DIDO1: variants seen among roughly 807,000 people sequenced by gnomAD.
DIDO1 encodes the protein death inducer-obliterator 1.
A neutral mutation model predicts 99.4 loss-of-function variants in DIDO1; 16 were observed. The observed-to-expected ratio is 0.16, with a 90% CI of 0.11 to 0.24. The LOEUF (loss-of-function observed/expected upper bound fraction) is 0.24, where lower values mean the gene tolerates loss of function less well. DIDO1 is among the 10% of genes least tolerant of loss of function. DIDO1 has a pLI of 1.00. For missense variants in DIDO1, 2,996 were observed against 3,014.0 expected (o/e 0.99, Z 0.14); for synonymous variants, 1,366 against 1,239.1 (o/e 1.10, Z -2.15).
chr20:62,905,758 G>A (rs1006696137), intron 6 of DIDO1, 129 bp downstream of exon 6: 3 of 1,608,208 alleles, frequency 1.9e-6, no homozygotes, highest in East Asian at 4.5e-5. Context: ...GCTTCCCGCT[G>A]ATGGTGCAGC....
rs1429299305 is a variant in DIDO1 at position 62,891,244 on chromosome 20, T to G, written c.3346-89A>C. 3 of 1,568,344 alleles carry G rather than the reference T, an allele frequency of 1.9e-6. No homozygotes were observed. The African/African-American group carries it at 4.1e-5, about 21-fold the overall frequency. ...CACATCCTGCTTTCAACAGGAAACC[T>G]TGTCAGATCTCTCCGACTCACAGCC... On this transcript the variant is annotated intron_variant, in intron 14 of 15. Coordinates refer to ENST00000395343, the MANE Select transcript of DIDO1 (RefSeq NM_001193369.2).
chr20:62,914,169 A>G (rs1308390249), intron 2 of DIDO1, 41 bp downstream of exon 2: 1 of 152,212 alleles, frequency 6.6e-6, no homozygotes, highest in African/African-American at 2.4e-5. Context: ...CAGACTTATT[A>G]AGTTAAAATT....
rs7261204 is a variant in DIDO1 at position 62,891,756 on chromosome 20, T to C, written c.3345+231A>G. ...ACACCTTCACACAGTCATACAACTA[T>C]GTAAACTTTTTTTTTTTTTGAGACA... On this transcript the variant is annotated intron_variant, in intron 14 of 15. Transcript: ENST00000395343. 1.6e-3 allele frequency among the ~76,000 whole-genome samples: 204 copies of C among 129,998 alleles called. 1 individual carries two copies. The highest frequency in any genetic ancestry group is 7.7e-3 in the Middle Eastern group (2 of 260). 85.3% of individuals were successfully genotyped at this position (129,998 alleles called of 152,430 possible). A position where few individuals can be genotyped will look rare whatever the true frequency, so the allele number is the denominator to read the frequency against.
rs141398076 is a variant in DIDO1, at chr20:62,882,078, G to A, written c.3878C>T (p.Ala1293Val). 4.9e-4 allele frequency: 787 copies of A among 1,601,014 alleles called. 1 individual carries two copies. Among genetic ancestry groups the A allele is most frequent in the Non-Finnish European group, 6.0e-4 (701 of 1,171,684 alleles). Residue 1293 changes from alanine to valine, a missense_variant, in exon 16 of 16, where the codon GCA (alanine) becomes GTA (valine). Physicochemically the swap from Ala to Val is moderately conservative, Grantham distance 64. Around this residue, in one of 5 missense-constraint regions of DIDO1, gnomAD observed 1,562 missense variants for 1,412.6 expected, o/e 1.11. Transcript: ENST00000395343. ...GGAAGCTGCCGTGGAGGCTGCCGCTGCTGTTGTGGCTGCTGTGGCTGGGCT... is the reference window on the plus strand; with the variant it reads ...GGAAGCTGCCGTGGAGGCTGCCGCTACTGTTGTGGCTGCTGTGGCTGGGCT... Reference protein sequence around the residue: ...APSPATAATTAAAASTAASST... With the variant: ...APSPATAATTVAAASTAASST...
chr20:62,905,799 G>GC, intron 6 of DIDO1, 88 bp downstream of exon 6: 1 of 1,613,206 alleles, frequency 6.2e-7, no homozygotes, highest in Non-Finnish European at 8.5e-7. Flanking sequence ...ACACAAAGCT[G>GC]CAACTCCCAG....
rs536475714 is a variant in DIDO1 at position 62,916,735 on chromosome 20, TCA to T, written c.-199-2331_-199-2330del. 4.2e-3 allele frequency among the ~76,000 whole-genome samples: 638 copies of T among 152,298 alleles called. 4 individuals carry two copies. The highest frequency in any genetic ancestry group is 0.015 in the African/African-American group (608 of 41,556). Reference sequence around the variant, plus strand: ...TAAAACATGTCATCAAAATCTTGCCTCACACAGATAGGTCTTTAGAATGGAGT... The same window carrying T: ...TAAAACATGTCATCAAAATCTTGCCTCACAGATAGGTCTTTAGAATGGAGT... On this transcript the variant is annotated intron_variant, in intron 1 of 15. Transcript: ENST00000395343.
chr20:62,901,544 TA>T (rs11479356), intron 6 of DIDO1, among the ~76,000 whole-genome samples: 34,992 of 151,984 alleles, frequency 0.23, 4,305 homozygotes, highest in East Asian at 0.34. Context: ...AGGGGCATGT[TA>T]AAATTAGTCC....
At chr20:62,920,650 G>GC (rs2065120146) in intron 1 of DIDO1, among the ~76,000 whole-genome samples, 1 of 152,184 alleles carries the variant, frequency 6.6e-6, no homozygotes, top group Non-Finnish European at 1.5e-5. Flanking sequence ...CTTTTGGGAG[G>GC]CCCCCGGATC....
chr20:62,936,310 T>C (rs2065382946), intron 1 of DIDO1, among the ~76,000 whole-genome samples: 1 of 151,884 alleles, frequency 6.6e-6, no homozygotes, highest in Non-Finnish European at 1.5e-5. Context: ...TCCGAGCACC[T>C]TGGGAGGCCG....
intron 15 of DIDO1, chr20:62,890,061 C>T: frequency 4.1e-6 from 4 of 985,762 alleles, no homozygotes; most frequent in Non-Finnish European, 3.6e-6. Flanking sequence ...TGGGAACACC[C>T]TGCACAGCTA....
In DIDO1 at chr20:62,879,456, T is replaced by A. The variant is rs1260553724; in HGVS notation, c.6500A>T (p.Lys2167Met). 6.4e-7 allele frequency: 1 copy of A among 1,559,080 alleles called. No individual in the cohort carries two copies. Among genetic ancestry groups the A allele is most frequent in the East Asian group, 2.4e-5 (1 of 41,644 alleles). ...CCGCTCCCGGCTGCGGTCCCACTCC[T>A]TGCCCCGGTCGGCCTCGCGCTCTCG... is the stretch of plus-strand genomic sequence containing the variant. ...RDREREADRG[K>M]EWDRSRERSR... Residue 2167 changes from lysine (K) to methionine (M), a missense_variant, in exon 16 of 16, where the codon AAG becomes ATG. Lys to Met is a moderately conservative substitution (Grantham distance 95). Coordinates refer to ENST00000395343, the MANE Select transcript of DIDO1 (RefSeq NM_001193369.2). The surrounding 1 kb of genome is among the most constrained non-coding windows in gnomAD (Gnocchi z 6.3).
intron 6 of DIDO1, among the ~76,000 whole-genome samples, chr20:62,903,381 G>A (rs530960674): frequency 6.6e-6 from 1 of 152,344 alleles, no homozygotes; most frequent in Non-Finnish European, 1.5e-5. Flanking sequence ...CACCACGTGG[G>A]TCTTCTGATG....
chr20:62,881,211 G>A lies in DIDO1; in HGVS notation c.4745C>T (p.Ser1582Leu), dbSNP rs1397179137. ...CAGGGCACCCTGGGCACCACGTGCC[G>A]AGAGCCTGGAGAGAGGCTCCCCCTC... is the stretch of plus-strand genomic sequence containing the variant. ...EGEGEPLSRLSARGAQGALPE... is the reference protein window; with the variant it reads ...EGEGEPLSRLLARGAQGALPE... Residue 1582 changes from serine to leucine, a missense_variant, in exon 16 of 16, where the codon TCG becomes TTG. Physicochemically the swap from Ser to Leu is moderately radical, Grantham distance 145. Transcript: ENST00000395343. The surrounding 1 kb of genome is among the most constrained non-coding windows in gnomAD (Gnocchi z 8.3). 1.9e-6 allele frequency: 3 copies of A among 1,604,234 alleles called. No homozygotes were observed. Among genetic ancestry groups the A allele is most frequent in the Admixed American group, 3.4e-5 (2 of 59,516 alleles).
In DIDO1 at chr20:62,881,432, C is replaced by G; in HGVS notation, c.4524G>C (p.Gly1508=). ...ACACCGAGAAGTGGGCCATGGAGAC[C>G]CCGACGGCGGCCCTCTGCTGCCTGA... ...EALRQQRAAV[G]VSMAHFSVSD... is the part of the protein sequence containing the mutation. Residue 1508 remains glycine, a synonymous_variant, in exon 16 of 16, where the codon GGG becomes GGC. Coordinates refer to ENST00000395343, the MANE Select transcript of DIDO1 (RefSeq NM_001193369.2). The surrounding 1 kb of genome is among the most constrained non-coding windows in gnomAD (Gnocchi z 8.3). The G allele has an allele frequency of 1.2e-6, 2 of 1,608,694 alleles. No individual in the cohort carries two copies. Among genetic ancestry groups the G allele is most frequent in the Non-Finnish European group, 1.7e-6 (2 of 1,179,976 alleles).
At chr20:62,904,780 C>CCAAAAAAAAAAAAAAAAAA (rs2064762185) in intron 6 of DIDO1, among the ~76,000 whole-genome samples, 1 of 62,610 alleles carries the variant, frequency 1.6e-5, no homozygotes, top group Non-Finnish European at 3.4e-5. Flanking sequence ...ACTCTTGTCT[C>CCAAAAAAAAAAAAAAAAAA]AAAAAAAAAA....
At chr20:62,909,609 C>T in intron 4 of DIDO1, 90 bp downstream of exon 4, 1 of 1,518,136 alleles carries the variant, frequency 6.6e-7, no homozygotes, top group Non-Finnish European at 9.0e-7. Flanking sequence ...ATGGGTGCAG[C>T]ACCCGTCCTG....
rs1019925294 is a variant in DIDO1 at position 62,892,002 on chromosome 20, C to T, written c.3330G>A (p.Lys1110=). Residue 1110 remains lysine (K), a synonymous_variant, in exon 14 of 16, where the codon AAG becomes AAA. Transcript: ENST00000395343. ...KTVWDYVGKL[K]SSVSKELCLI... ...AAGCAGGTACCTTAGACACAGAAGA[C>T]TTGAGTTTGCCAACATAATCCCAAA... The T allele has an allele frequency of 1.2e-6, 2 of 1,612,650 alleles. No individual in the cohort carries two copies. Among genetic ancestry groups the T allele is most frequent in the African/African-American group, 2.7e-5 (2 of 74,892 alleles).
Position 62,878,838 on chromosome 20 carries a change from C to CG in DIDO1, c.*394dup, listed in dbSNP as rs1207417610. On this transcript the variant is annotated 3_prime_UTR_variant, in exon 16 of 16. Coordinates refer to ENST00000395343, the MANE Select transcript of DIDO1 (RefSeq NM_001193369.2). Reference sequence around the variant, plus strand: ...TGCAGGTCACGCCCACACCGGCCTCCGGGGCGGCGGCTAAGACCTGTAAAA... The same window carrying CG: ...TGCAGGTCACGCCCACACCGGCCTCCGGGGGCGGCGGCTAAGACCTGTAAAA... The CG allele has an allele frequency of 6.1e-6, 1 of 162,632 alleles. No individual in the cohort carries two copies. Among genetic ancestry groups the CG allele is most frequent in the East Asian group, 1.8e-4 (1 of 5,646 alleles). 10.1% of individuals were successfully genotyped at this position (162,632 alleles called of 1,614,324 possible). A position where few individuals can be genotyped will look rare whatever the true frequency, so the allele number is the denominator to read the frequency against.
intron 15 of DIDO1, chr20:62,888,919 T>C: frequency 1.0e-6 from 1 of 985,450 alleles, no homozygotes; most frequent in Non-Finnish European, 1.2e-6. Context: ...ATTTCTGAAG[T>C]GTATGGAAAG....
Sources: gnomAD v4.1 joint callset for allele counts (sites outside exome capture counted in the v4.1 genomes callset) on GRCh38, gnomAD v4.1.1 for gene constraint, gnomAD v4.1.1 regional missense constraint, Gnocchi (gnomAD v3.1) non-coding constraint, MANE v1.5 for transcripts, NCBI Gene and HGNC (gene_info 2026-07-23, HGNC 2026-07-21) for gene names.